The following ATE1 variants were observed in gnomAD, a reference collection of about 807,000 sequenced individuals.
ATE1 encodes the protein arginyltransferase 1.
A neutral mutation model predicts 70.5 loss-of-function variants in ATE1; 36 were observed. The observed-to-expected ratio is 0.51, with a 90% CI of 0.39 to 0.67. The LOEUF is 0.67. ATE1 is among the 30% of genes least tolerant of loss of function. ATE1 has a pLI of 0.00. For missense variants in ATE1, 593 were observed against 629.5 expected, an observed-to-expected ratio of 0.94 and a Z score of 0.62; for synonymous variants, 232 against 219.3, an observed-to-expected ratio of 1.06 and a Z score of -0.51.
At chr10:121,835,773 AT>A (rs564696162) in intron 10 of ATE1, among the ~76,000 whole-genome samples, 28 of 152,298 alleles carry the variant, frequency 1.8e-4, no homozygotes, top group African/African-American at 6.5e-4. Flanking sequence ...TTGCTCCAAA[AT>A]AATTCAAGAG....
intron 8 of ATE1, among the ~76,000 whole-genome samples, chr10:121,868,906 T>G (rs1044685196): frequency 6.6e-6 from 1 of 152,134 alleles, no homozygotes; most frequent in Non-Finnish European, 1.5e-5. Context: ...ATAGTTTCAA[T>G]AATCAAATAA....
chr10:121,903,731 C>T lies in ATE1; in HGVS notation c.584-1111G>A, dbSNP rs1466791491. 4.6e-5 allele frequency among the ~76,000 whole-genome samples: 7 copies of T among 151,974 alleles called. No individual in the cohort carries two copies. In the South Asian group the frequency reaches 6.2e-4, roughly 14 times the overall value. On this transcript the variant is annotated intron_variant, in intron 5 of 11. Transcript: ENST00000224652. ...CTTGCTTAGTTGAAGGTATCTGTGTCTTTCTCCAAATACTGCAGGTATTTG... is the reference window on the plus strand; with the variant it reads ...CTTGCTTAGTTGAAGGTATCTGTGTTTTTCTCCAAATACTGCAGGTATTTG...
chr10:121,836,822 GAAAAGA>G lies in ATE1; in HGVS notation c.1158-11_1158-6del. On this transcript the variant is annotated splice_region_variant and splice_polypyrimidine_tract_variant and intron_variant, in intron 9 of 11. Coordinates refer to ENST00000224652, the MANE Select transcript of ATE1 (RefSeq NM_001001976.3). ...TGCCTAGTAAAAGCAATTTCTCTGCGAAAAGAAAAAGAAGAAAGCTGAAGGCAGTTA... is the reference window on the plus strand; with the variant it reads ...TGCCTAGTAAAAGCAATTTCTCTGCGAAAAGAAGAAAGCTGAAGGCAGTTA... The G allele has an allele frequency of 6.3e-7, 1 of 1,578,204 alleles. No homozygotes were observed. The highest frequency in any genetic ancestry group is 8.6e-7 in the Non-Finnish European group (1 of 1,158,760).
chr10:121,884,352 C>T (rs764395556), intron 7 of ATE1, among the ~76,000 whole-genome samples: 8 of 151,842 alleles, frequency 5.3e-5, no homozygotes, highest in Non-Finnish European at 7.4e-5. Context: ...GTAGCTCATG[C>T]CTGTAATCTC....
chr10:121,864,529 G>A (rs535647715), intron 8 of ATE1, among the ~76,000 whole-genome samples: 3 of 152,206 alleles, frequency 2.0e-5, no homozygotes, highest in African/African-American at 4.8e-5. Context: ...AGTGTTGAAC[G>A]TGCAGACGTT....
chr10:121,863,075 G>T (rs975582002), intron 8 of ATE1, among the ~76,000 whole-genome samples: 1 of 152,050 alleles, frequency 6.6e-6, no homozygotes, highest in East Asian at 1.9e-4. Flanking sequence ...TGAGAAAGTT[G>T]TCCTGAAGTC....
chr10:121,885,834 T>C lies in ATE1; in HGVS notation c.942+14032A>G, dbSNP rs555856318. On this transcript the variant is annotated intron_variant, in intron 7 of 11. Transcript: ENST00000224652. ...AGAATCGCTTGAACCTGGGAGGTGG[T>C]TGTTGCAGTGAATCGAGATTGTGCC... Among the ~76,000 whole-genome samples the C allele has an allele frequency of 5.9e-5, 9 of 152,134 alleles. No homozygotes were observed. In the South Asian group the frequency reaches 1.9e-3, roughly 32 times the overall value.
chr10:121,927,276 G>A, intron 1 of ATE1: 2 of 984,968 alleles, frequency 2.0e-6, no homozygotes, highest in Non-Finnish European at 2.4e-6. Flanking sequence ...AAACAGATCA[G>A]GACAAACAGA....
intron 11 of ATE1, among the ~76,000 whole-genome samples, chr10:121,752,994 C>T (rs1455570919): frequency 6.6e-6 from 1 of 152,190 alleles, no homozygotes; most frequent in Non-Finnish European, 1.5e-5. Flanking sequence ...GTTTTCTTCA[C>T]TTATTTAGGT....
At chr10:121,789,714 T>C (rs1388551586) in intron 11 of ATE1, among the ~76,000 whole-genome samples, 5 of 151,954 alleles carry the variant, frequency 3.3e-5, no homozygotes, top group African/African-American at 1.2e-4. Flanking sequence ...GAGATACAAG[T>C]AGAAAGTAAA....
intron 11 of ATE1, among the ~76,000 whole-genome samples, chr10:121,756,107 G>A (rs2936877): frequency 0.82 from 124,419 of 152,080 alleles, 51,314 homozygotes; most frequent in Non-Finnish European, 0.88. Context: ...AAATATAGCC[G>A]TTCCAAATGG....
At chr10:121,755,375 G>GA (rs1175558027) in intron 11 of ATE1, among the ~76,000 whole-genome samples, 1 of 152,150 alleles carries the variant, frequency 6.6e-6, no homozygotes, top group Non-Finnish European at 1.5e-5. Context: ...AAATGGTTTA[G>GA]AAAAAAATAC....
At chr10:121,900,797 G>A (rs976883212) in intron 6 of ATE1, among the ~76,000 whole-genome samples, 2 of 152,122 alleles carry the variant, frequency 1.3e-5, no homozygotes, top group Admixed American at 6.6e-5. Flanking sequence ...AAAAGTACAA[G>A]TAACCACTGG....
At chr10:121,794,434 A>C (rs1946571716) in intron 10 of ATE1, among the ~76,000 whole-genome samples, 1 of 152,004 alleles carries the variant, frequency 6.6e-6, no homozygotes, top group African/African-American at 2.4e-5. Context: ...GTGAGACCCC[A>C]TCTCTACAAA....
At chr10:121,789,530 C>A (rs547017931) in intron 11 of ATE1, among the ~76,000 whole-genome samples, 3 of 152,084 alleles carry the variant, frequency 2.0e-5, no homozygotes, top group South Asian at 2.1e-4. Context: ...AACTCCTGAC[C>A]TCACGTGATC....
intron 7 of ATE1, among the ~76,000 whole-genome samples, chr10:121,885,343 A>G (rs7091739): frequency 0.44 from 64,964 of 147,316 alleles, 15,161 homozygotes; most frequent in South Asian, 0.53. Context: ...GCCGAGGCAG[A>G]CAGATCACGA....
chr10:121,830,231 T>C (rs897653672), intron 10 of ATE1, among the ~76,000 whole-genome samples: 1 of 152,148 alleles, frequency 6.6e-6, no homozygotes, highest in Non-Finnish European at 1.5e-5. Context: ...GGTGTGGTAG[T>C]GTTGGGAGAT....
intron 5 of ATE1, among the ~76,000 whole-genome samples, chr10:121,906,199 G>T (rs1001509640): frequency 1.3e-5 from 2 of 152,142 alleles, no homozygotes; most frequent in African/African-American, 2.4e-5. Flanking sequence ...TTCCAGACCA[G>T]CCTGGGCAAC....
intron 11 of ATE1, among the ~76,000 whole-genome samples, chr10:121,765,134 G>A (rs1483140982): frequency 1.3e-5 from 2 of 152,182 alleles, no homozygotes; most frequent in African/African-American, 4.8e-5. Flanking sequence ...GCAGGACACT[G>A]CTTACTGTGT....
Sources: allele counts gnomAD v4.1 joint callset (sites outside exome capture counted in the v4.1 genomes callset), GRCh38; gene constraint gnomAD v4.1.1; transcripts MANE v1.5; gene names NCBI Gene and HGNC (gene_info 2026-07-23, HGNC 2026-07-21).